ARIH2: variants seen among roughly 807,000 people sequenced by gnomAD.
The protein encoded by ARIH2 is E3 ubiquitin-protein ligase ARIH2.
ARIH2 carries 12 observed loss-of-function variants against 79.8 expected under a neutral mutation model. The observed-to-expected ratio is 0.15, with a 90% CI of 0.10 to 0.24. ARIH2 has a LOEUF of 0.24. Among genes scored for constraint, ARIH2 ranks in the 10% least tolerant of loss-of-function variants. ARIH2 has a pLI of 1.00. For synonymous variants in ARIH2, 224 were observed against 213.9 expected (o/e 1.05, Z -0.41); for missense variants, 301 against 618.3 (o/e 0.49, Z 5.44).
At position 48,927,514 on chromosome 3, in the gene ARIH2, A is replaced by C. The variant is rs1362211881; in HGVS notation, c.-45A>C. 6.3e-7 allele frequency: 1 copy of C among 1,588,070 alleles called. No individual in the cohort carries two copies. Among genetic ancestry groups the C allele is most frequent in the Non-Finnish European group, 8.6e-7 (1 of 1,168,922 alleles). ...AAGCGGTAGTTTTGGGGGGAGGGGG[A>C]AAAAGCAACTGCTTTCCTGATCTGC... On this transcript the variant is annotated 5_prime_UTR_variant, in exon 3 of 16. Transcript: ENST00000356401.
In ARIH2 at chr3:48,973,748, C is replaced by T; in HGVS notation, c.820C>T (p.Arg274Trp). ...CGCACCCACAGACTGTGCCACAATC[C>T]GGAAATGGCTCACGAAGTGTGCAGA... ...YHAPTDCATI[R>W]KWLTKCADDS... The change falls in exon 9 of 16, where the codon CGG (arginine) becomes TGG (tryptophan). Residue 274 changes from arginine to tryptophan, a missense_variant. Physicochemically the swap from Arg to Trp is moderately radical, Grantham distance 101. This residue lies in a region of ARIH2 where 223 missense variants were observed against 349.4 expected (regional missense o/e 0.64). Transcript: ENST00000356401. 1 of 1,614,102 alleles carries T rather than the reference C, an allele frequency of 6.2e-7. No individual in the cohort carries two copies. The highest frequency in any genetic ancestry group is 8.5e-7 in the Non-Finnish European group (1 of 1,180,010).
intron 2 of ARIH2, chr3:48,927,160 G>A: frequency 4.7e-6 from 1 of 211,532 alleles, no homozygotes; most frequent in Non-Finnish European, 9.7e-6. Context: ...AAGGACTTTG[G>A]CAAGAATAAC....
At chr3:48,952,255 GT>G (rs2107410742) in intron 3 of ARIH2, among the ~76,000 whole-genome samples, 1 of 152,242 alleles carries the variant, frequency 6.6e-6, no homozygotes, top group African/African-American at 2.4e-5. Context: ...GGCATTATTG[GT>G]AGCTGACAGT....
In ARIH2 at chr3:48,935,751, G is replaced by A. The variant is rs568641502; in HGVS notation, c.255+7938G>A. On this transcript the variant is annotated intron_variant, in intron 3 of 15. Coordinates refer to ENST00000356401, the MANE Select transcript of ARIH2 (RefSeq NM_006321.4). ...TTCAAATCGATTTTGCTTGGTCATGGTAGAAGCGGGGCAAAAGTGGAAGGA... is the reference window on the plus strand; with the variant it reads ...TTCAAATCGATTTTGCTTGGTCATGATAGAAGCGGGGCAAAAGTGGAAGGA... 6.6e-5 allele frequency among the ~76,000 whole-genome samples: 10 copies of A among 152,254 alleles called. 2 individuals are homozygous for A. The highest frequency in any genetic ancestry group is 2.4e-4 in the African/African-American group (10 of 41,548).
chr3:48,970,000 G>T (rs973922634), intron 7 of ARIH2, among the ~76,000 whole-genome samples: 6 of 150,610 alleles, frequency 4.0e-5, no homozygotes, highest in Middle Eastern at 3.5e-3. Flanking sequence ...AAGCGATTCT[G>T]CAGCCTCAGC....
intron 3 of ARIH2, chr3:48,934,455 T>C (rs2086838199): frequency 1.0e-6 from 1 of 985,398 alleles, no homozygotes; most frequent in Admixed American, 6.1e-5. Flanking sequence ...TTGTTGCTAC[T>C]ACTCATGGGA....
At chr3:48,926,973 A>G (rs529848829) in intron 2 of ARIH2, 2 of 153,814 alleles carry the variant, frequency 1.3e-5, no homozygotes, top group Non-Finnish European at 2.9e-5. Context: ...CCTAAAAGTA[A>G]TGTCTGTGAA....
chr3:48,950,675 A>G (rs1353183027), intron 3 of ARIH2, among the ~76,000 whole-genome samples: 4 of 152,186 alleles, frequency 2.6e-5, no homozygotes, highest in Non-Finnish European at 4.4e-5. Flanking sequence ...TGCTCATTTG[A>G]AATACAGTCA....
At chr3:48,979,666 G>C in intron 12 of ARIH2, 33 bp downstream of exon 12, 1 of 1,609,472 alleles carries the variant, frequency 6.2e-7, no homozygotes. Flanking sequence ...TCCCCTACAG[G>C]GTAGGCTTCT....
intron 3 of ARIH2, among the ~76,000 whole-genome samples, chr3:48,933,380 C>T (rs985333033): frequency 6.0e-5 from 9 of 150,898 alleles, no homozygotes; most frequent in Non-Finnish European, 1.2e-4. Context: ...CCAGGCTGGT[C>T]TCAAACTCCA....
At chr3:48,941,479 C>T (rs1454549715) in intron 3 of ARIH2, among the ~76,000 whole-genome samples, 1 of 152,146 alleles carries the variant, frequency 6.6e-6, no homozygotes, top group Non-Finnish European at 1.5e-5. Context: ...AAGATTTCTC[C>T]TGGATAGGAA....
At chr3:48,969,682 T>C (rs1337036605) in intron 7 of ARIH2, among the ~76,000 whole-genome samples, 1 of 151,954 alleles carries the variant, frequency 6.6e-6, no homozygotes, top group Admixed American at 6.6e-5. Flanking sequence ...AAGATGGGTG[T>C]TTCACCATCT....
chr3:48,933,238 GTGTGTGTGTGTGTGT>G (rs2086628430), intron 3 of ARIH2, among the ~76,000 whole-genome samples: 1 of 3,448 alleles, frequency 2.9e-4, no homozygotes, highest in Non-Finnish European at 6.8e-4. Flanking sequence ...ATGCCCGGGT[GTGTGTGTGTGTGTGT>G]GTGTGTGTGT....
At position 48,918,970 on chromosome 3, in the gene ARIH2, G is replaced by A; in HGVS notation, c.-190G>A. ...GCCTGACCCGGTCTGGCTTGTTCGGGCTCAGCGGCCGCGAGGCCGCAGCTC... is the reference window on the plus strand; with the variant it reads ...GCCTGACCCGGTCTGGCTTGTTCGGACTCAGCGGCCGCGAGGCCGCAGCTC... On this transcript the variant is annotated 5_prime_UTR_variant, in exon 1 of 16. Transcript: ENST00000356401. The A allele has an allele frequency of 2.0e-6, 3 of 1,482,954 alleles. No homozygotes were observed. The South Asian group carries it at 4.0e-5, about 20-fold the overall frequency. 91.9% of individuals were successfully genotyped at this position (1,482,954 alleles called of 1,614,324 possible). A position where few individuals can be genotyped will look rare whatever the true frequency, so the allele number is the denominator to read the frequency against.
At chr3:48,968,706 C>T (rs1222056715) in intron 7 of ARIH2, 51 bp downstream of exon 7, 1 of 1,581,016 alleles carries the variant, frequency 6.3e-7, no homozygotes, top group Admixed American at 1.7e-5. Flanking sequence ...TACCTTCCAT[C>T]AGAGGGTCAC....
intron 3 of ARIH2, among the ~76,000 whole-genome samples, chr3:48,931,265 G>T (rs2086313314): frequency 6.6e-6 from 1 of 152,134 alleles, no homozygotes; most frequent in African/African-American, 2.4e-5. Context: ...ATTTATTTTG[G>T]CCAGGCGCAG....
chr3:48,980,955 A>T (rs2092722010), intron 13 of ARIH2, among the ~76,000 whole-genome samples: 1 of 128,890 alleles, frequency 7.8e-6, no homozygotes, highest in Non-Finnish European at 1.6e-5. Context: ...TGGGAGTCAG[A>T]GGCTGCAGTG....
intron 6 of ARIH2, 87 bp downstream of exon 6, chr3:48,967,362 T>C: frequency 7.1e-7 from 1 of 1,413,040 alleles, no homozygotes; most frequent in Non-Finnish European, 9.7e-7. Flanking sequence ...AAACTGAGTA[T>C]TTTCTTCTGA....
chr3:48,964,397 C>A (rs2091576952), intron 4 of ARIH2, among the ~76,000 whole-genome samples: 1 of 151,616 alleles, frequency 6.6e-6, no homozygotes, highest in Non-Finnish European at 1.5e-5. Flanking sequence ...CTCACTGCAA[C>A]CTCTGCCTCC....
Sources: gnomAD v4.1 joint callset for allele counts (sites outside exome capture counted in the v4.1 genomes callset) on GRCh38, gnomAD v4.1.1 for gene constraint, gnomAD v4.1.1 regional missense constraint, MANE v1.5 for transcripts, NCBI Gene and HGNC (gene_info 2026-07-23, HGNC 2026-07-21) for gene names.